GRM8: variants seen among roughly 807,000 people sequenced by gnomAD.
GRM8 encodes metabotropic glutamate receptor 8.
In GRM8, 47 loss-of-function variants were observed where a neutral mutation model predicts 87.2. The observed-to-expected ratio is 0.54, with a 90% CI of 0.43 to 0.69. The LOEUF (loss-of-function observed/expected upper bound fraction) is 0.69, where lower values mean the gene tolerates loss of function less well. GRM8 is among the 30% of genes least tolerant of loss of function. The pLI is 0.00. For synonymous variants in GRM8, 396 were observed against 404.5 expected, an observed-to-expected ratio of 0.98 and a Z score of 0.25; for missense variants, 1,019 against 1,139.2, an observed-to-expected ratio of 0.89 and a Z score of 1.52.
At chr7:126,770,934 T>C (rs1818779032) in intron 6 of GRM8, among the ~76,000 whole-genome samples, 3 of 151,938 alleles carry the variant, frequency 2.0e-5, no homozygotes. Context: ...CCCAATATTC[T>C]CTCAATCCCC....
At chr7:127,162,946 TCA>T (rs970789871) in intron 2 of GRM8, among the ~76,000 whole-genome samples, 2 of 152,162 alleles carry the variant, frequency 1.3e-5, no homozygotes, top group African/African-American at 4.8e-5. Flanking sequence ...TTATCACTGT[TCA>T]CAGAGTAGAT....
chr7:127,141,569 G>C (rs2133268897), intron 2 of GRM8, among the ~76,000 whole-genome samples: 1 of 152,154 alleles, frequency 6.6e-6, no homozygotes, highest in South Asian at 2.1e-4. Context: ...TTTCACAGTT[G>C]TCACACCTAT....
At chr7:126,865,028 T>G (rs1209833776) in intron 6 of GRM8, among the ~76,000 whole-genome samples, 3 of 152,232 alleles carry the variant, frequency 2.0e-5, no homozygotes, top group Non-Finnish European at 4.4e-5. Flanking sequence ...TTCAGCTTCC[T>G]AAGGCTGTGG....
At chr7:127,147,698 G>A (rs1828627777) in intron 2 of GRM8, among the ~76,000 whole-genome samples, 2 of 152,046 alleles carry the variant, frequency 1.3e-5, no homozygotes, top group South Asian at 2.1e-4. Context: ...TGTAACTAAT[G>A]CAACCCAATT....
intron 3 of GRM8, among the ~76,000 whole-genome samples, chr7:126,956,053 T>C (rs933014237): frequency 6.6e-6 from 1 of 152,170 alleles, no homozygotes; most frequent in African/African-American, 2.4e-5. Context: ...AAGCACGAAT[T>C]TGACGTGTCC....
chr7:126,886,683 C>T (rs1294174686), intron 6 of GRM8, among the ~76,000 whole-genome samples: 1 of 152,112 alleles, frequency 6.6e-6, no homozygotes, highest in African/African-American at 2.4e-5. Context: ...AACATCATTG[C>T]TAATTCATCT....
intron 3 of GRM8, among the ~76,000 whole-genome samples, chr7:127,018,989 T>C (rs1412682651): frequency 6.6e-6 from 1 of 151,990 alleles, no homozygotes; most frequent in Admixed American, 6.6e-5. Flanking sequence ...TTTCTTTTAC[T>C]TGAAATCAAA....
At chr7:127,182,445 A>T (rs1234056914) in intron 2 of GRM8, among the ~76,000 whole-genome samples, 3 of 152,076 alleles carry the variant, frequency 2.0e-5, no homozygotes, top group Non-Finnish European at 4.4e-5. Flanking sequence ...GAGATTCCTT[A>T]AAGAATTTAA....
intron 8 of GRM8, among the ~76,000 whole-genome samples, chr7:126,577,837 T>C (rs1315332252): frequency 6.6e-6 from 1 of 152,136 alleles, no homozygotes; most frequent in African/African-American, 2.4e-5. Context: ...TCTCCTCGCC[T>C]CTTTTAATGT....
At chr7:127,193,350 G>A (rs187950030) in intron 2 of GRM8, among the ~76,000 whole-genome samples, 11 of 152,312 alleles carry the variant, frequency 7.2e-5, no homozygotes, top group African/African-American at 1.4e-4. Flanking sequence ...GGAAGAGAGA[G>A]TTTACACCAT....
chr7:126,584,308 T>A (rs1169418368), intron 8 of GRM8, among the ~76,000 whole-genome samples: 1 of 149,486 alleles, frequency 6.7e-6, no homozygotes, highest in Non-Finnish European at 1.5e-5. Flanking sequence ...TCATTGCAAC[T>A]CCATCTCCTG....
At chr7:127,142,142 AT>A (rs1432982139) in intron 2 of GRM8, among the ~76,000 whole-genome samples, 1 of 151,822 alleles carries the variant, frequency 6.6e-6, no homozygotes, top group Non-Finnish European at 1.5e-5. Flanking sequence ...CACACCTAAT[AT>A]TTTTTTAAAA....
intron 3 of GRM8, among the ~76,000 whole-genome samples, chr7:127,003,495 C>T (rs1813942756): frequency 6.6e-6 from 1 of 151,610 alleles, no homozygotes; most frequent in Non-Finnish European, 1.5e-5. Context: ...AAACCTCTTC[C>T]ACAACAGGAG....
chr7:126,551,140 G>T (rs1382054000), intron 8 of GRM8, among the ~76,000 whole-genome samples: 1 of 151,990 alleles, frequency 6.6e-6, no homozygotes, highest in Non-Finnish European at 1.5e-5. Context: ...TTTAACTGCT[G>T]CATTCTTTTT....
At chr7:127,070,498 T>C (rs2132671075) in intron 3 of GRM8, among the ~76,000 whole-genome samples, 1 of 152,186 alleles carries the variant, frequency 6.6e-6, no homozygotes, top group Admixed American at 6.6e-5. Context: ...AAATAATGCA[T>C]AGAAGTCAAT....
At chr7:126,474,367 T>G (rs1024559626) in intron 9 of GRM8, among the ~76,000 whole-genome samples, 4 of 152,052 alleles carry the variant, frequency 2.6e-5, no homozygotes, top group Non-Finnish European at 5.9e-5. Context: ...CTCCCACGCT[T>G]AAGCAATCCT....
chr7:126,691,504 G>A (rs1455704824), intron 7 of GRM8, among the ~76,000 whole-genome samples: 1 of 152,114 alleles, frequency 6.6e-6, no homozygotes, highest in East Asian at 1.9e-4. Context: ...ACTTGGAAGG[G>A]GGCAGGGCTT....
chr7:126,925,075 A>G (rs1184990265), intron 3 of GRM8, among the ~76,000 whole-genome samples: 1 of 152,182 alleles, frequency 6.6e-6, no homozygotes, highest in Admixed American at 6.5e-5. Flanking sequence ...AAGACCTCAA[A>G]ACAGGAACTT....
intron 7 of GRM8, among the ~76,000 whole-genome samples, chr7:126,664,485 C>A (rs1018505990): frequency 1.3e-5 from 2 of 151,742 alleles, no homozygotes; most frequent in Non-Finnish European, 3.0e-5. Flanking sequence ...TAAAGTCATC[C>A]AATCTTCAAC....
Sources: allele counts gnomAD v4.1 joint callset (sites outside exome capture counted in the v4.1 genomes callset), GRCh38; gene constraint gnomAD v4.1.1; transcripts MANE v1.5; gene names NCBI Gene and HGNC (gene_info 2026-07-23, HGNC 2026-07-21).